Variants in PCDH11X observed in about 807,000 individuals in gnomAD.
The protein encoded by PCDH11X is protocadherin 11 X-linked, also known as protocadherin-11 X-linked.
PCDH11X carries 18 observed loss-of-function variants against 53.3 expected under a neutral mutation model. That is an observed-to-expected ratio of 0.34 (90% CI 0.23 to 0.50). The LOEUF (loss-of-function observed/expected upper bound fraction) is 0.50. Among genes scored for constraint, PCDH11X ranks in the 20% least tolerant of loss-of-function variants. The pLI is 0.98. For missense variants in PCDH11X, 570 were observed against 1,032.4 expected, an observed-to-expected ratio of 0.55 and a Z score of 6.14; for synonymous variants, 279 against 393.3, an observed-to-expected ratio of 0.71 and a Z score of 3.44.
At position 92,279,490 on chromosome X, in the gene PCDH11X, G is replaced by A. The variant is rs1013596058; in HGVS notation, c.3144+16347G>A. Among the ~76,000 whole-genome samples the A allele has an allele frequency of 8.9e-5, 10 of 111,943 alleles. No individual in the cohort carries two copies. In the South Asian group the frequency reaches 1.8e-3, roughly 20 times the overall value. On this transcript the variant is annotated intron_variant, in intron 8 of 10. Transcript: ENST00000682573. Reference sequence around the variant, plus strand: ...CTCTAGCATTAAAGGAACTGTCTCCGATCTGTTTCGTATTTTGTAATAAAG... The same window carrying A: ...CTCTAGCATTAAAGGAACTGTCTCCAATCTGTTTCGTATTTTGTAATAAAG...
At chrX:92,580,252 T>C (rs1923503656) in intron 10 of PCDH11X, among the ~76,000 whole-genome samples, 1 of 108,351 alleles carries the variant, frequency 9.2e-6, no homozygotes, top group African/African-American at 3.5e-5. Flanking sequence ...CAAAGTACCC[T>C]GGATGCCCCT....
intron 6 of PCDH11X, among the ~76,000 whole-genome samples, chrX:92,168,526 T>C (rs1458031321): frequency 9.2e-6 from 1 of 108,602 alleles, no homozygotes; most frequent in Non-Finnish European, 1.9e-5. Context: ...AGAGTGAAAC[T>C]CTGCCTCAAA....
intron 1 of PCDH11X, among the ~76,000 whole-genome samples, chrX:91,789,200 C>CAAAAAA (rs764959497): frequency 1.1e-3 from 50 of 47,031 alleles, no homozygotes; most frequent in African/African-American, 1.5e-3. Flanking sequence ...GACTCCGTCT[C>CAAAAAA]AAAAAAAAAA....
intron 6 of PCDH11X, among the ~76,000 whole-genome samples, chrX:92,093,045 G>A (rs1470960836): frequency 9.0e-6 from 1 of 111,587 alleles, no homozygotes; most frequent in African/African-American, 3.3e-5. Context: ...CCATGTCAGA[G>A]GTGCCTGCTT....
At chrX:92,613,269 T>A (rs1927571893) in intron 10 of PCDH11X, among the ~76,000 whole-genome samples, 2 of 111,246 alleles carry the variant, frequency 1.8e-5, no homozygotes, top group South Asian at 7.6e-4. Context: ...TCCTCAATAA[T>A]CTCTTATAAG....
chrX:91,928,693 A>G (rs1377536415), intron 6 of PCDH11X, among the ~76,000 whole-genome samples: 5 of 103,376 alleles, frequency 4.8e-5, no homozygotes, highest in African/African-American at 1.8e-4. Context: ...AGTGTTCACA[A>G]TGGATAATAC....
At position 92,347,052 on chromosome X, in the gene PCDH11X, C is replaced by G. The variant is rs748358589; in HGVS notation, c.3145-40683C>G. Among the ~76,000 whole-genome samples, 16 of 111,368 alleles carry G rather than the reference C, an allele frequency of 1.4e-4. No individual in the cohort carries two copies. The South Asian group carries it at 4.8e-3, about 33-fold the overall frequency. On this transcript the variant is annotated intron_variant, in intron 8 of 10. Coordinates refer to ENST00000682573, the MANE Select transcript of PCDH11X (RefSeq NM_032968.5). ...TATGTGACTTTTGTGCTAAAATAAT[C>G]TTTTCTATGTTTTTAGATATGCTTA...
At chrX:92,114,274 A>G (rs2064588460) in intron 6 of PCDH11X, 1 of 904,760 alleles carries the variant, frequency 1.1e-6, no homozygotes, top group Admixed American at 2.2e-5. Flanking sequence ...ACAAGGTAGA[A>G]TGGCTTGCTG....
At chrX:92,340,508 G>T (rs1218083467) in intron 8 of PCDH11X, among the ~76,000 whole-genome samples, 6 of 112,114 alleles carry the variant, frequency 5.4e-5, no homozygotes, top group African/African-American at 1.9e-4. Flanking sequence ...CAAGCCTCAA[G>T]TCTTGACTCA....
intron 8 of PCDH11X, among the ~76,000 whole-genome samples, chrX:92,322,127 A>G (rs947703782): frequency 2.7e-5 from 3 of 110,089 alleles, no homozygotes; most frequent in African/African-American, 6.6e-5. Context: ...TTGATCTTAC[A>G]TACTTAACAC....
At chrX:92,157,455 A>C (rs1332724223) in intron 6 of PCDH11X, among the ~76,000 whole-genome samples, 7 of 111,967 alleles carry the variant, frequency 6.3e-5, no homozygotes, top group Non-Finnish European at 1.3e-4. Flanking sequence ...ATTTAATGGC[A>C]AAAGGATAGA....
chrX:92,098,943 G>A (rs781603480), intron 6 of PCDH11X, among the ~76,000 whole-genome samples: 69 of 111,343 alleles, frequency 6.2e-4, no homozygotes, highest in East Asian at 5.7e-3. Context: ...CACTGCACCC[G>A]GCCCCTGAAT....
At chrX:91,807,238 G>A (rs868311508) in intron 1 of PCDH11X, among the ~76,000 whole-genome samples, 1 of 109,641 alleles carries the variant, frequency 9.1e-6, no homozygotes, top group Non-Finnish European at 1.9e-5. Flanking sequence ...AGTCCTAGTT[G>A]GGAGGCTGAG....
intron 7 of PCDH11X, among the ~76,000 whole-genome samples, chrX:92,256,667 A>T (rs2067594609): frequency 9.0e-6 from 1 of 111,168 alleles, no homozygotes; most frequent in Non-Finnish European, 1.9e-5. Flanking sequence ...CCTAAATAGT[A>T]AGTTCAGCAT....
At chrX:92,119,171 T>C (rs1258350201) in intron 6 of PCDH11X, among the ~76,000 whole-genome samples, 2 of 110,809 alleles carry the variant, frequency 1.8e-5, no homozygotes, top group Non-Finnish European at 3.8e-5. Flanking sequence ...TGTGGTGCCA[T>C]CATGGCTCAC....
At chrX:91,972,241 G>A (rs1434752002) in intron 6 of PCDH11X, among the ~76,000 whole-genome samples, 1 of 100,967 alleles carries the variant, frequency 9.9e-6, no homozygotes, top group Non-Finnish European at 2.0e-5. Flanking sequence ...CTGCATAAAT[G>A]TCTTCTTTTG....
intron 10 of PCDH11X, among the ~76,000 whole-genome samples, chrX:92,600,586 G>A (rs1431509913): frequency 9.0e-6 from 1 of 110,510 alleles, no homozygotes; most frequent in Non-Finnish European, 1.9e-5. Context: ...GAGTTGTGCT[G>A]CAGGGGCAGA....
intron 6 of PCDH11X, among the ~76,000 whole-genome samples, chrX:92,015,130 T>C (rs948988290): frequency 6.2e-5 from 7 of 112,231 alleles, no homozygotes; most frequent in African/African-American, 2.3e-4. Flanking sequence ...TTGCTAAAAA[T>C]GCTAACACTC....
intron 8 of PCDH11X, among the ~76,000 whole-genome samples, chrX:92,321,184 G>GTTGTTTT (rs1556361913): frequency 2.4e-5 from 2 of 84,875 alleles, no homozygotes; most frequent in African/African-American, 4.9e-5. Flanking sequence ...TGAACTGTAA[G>GTTGTTTT]TTTTTTTTTG....
Sources: gnomAD v4.1 joint callset for allele counts (sites outside exome capture counted in the v4.1 genomes callset) on GRCh38, gnomAD v4.1.1 for gene constraint, MANE v1.5 for transcripts, NCBI Gene and HGNC (gene_info 2026-07-23, HGNC 2026-07-21) for gene names.